The following STARD13 variants were observed in gnomAD, a reference collection of about 807,000 sequenced individuals.
STARD13 encodes the protein StAR related lipid transfer domain containing 13.
STARD13 carries 62 observed loss-of-function variants against 106.4 expected under a neutral mutation model. The observed-to-expected ratio is 0.58, with a 90% CI of 0.48 to 0.72. The LOEUF (loss-of-function observed/expected upper bound fraction) is 0.72, where lower values mean the gene tolerates loss of function less well. Ranked by LOEUF, STARD13 falls within the 30% of genes least tolerant of loss-of-function variation. The pLI is 0.00. For synonymous variants in STARD13, 565 were observed against 553.0 expected (o/e 1.02, Z -0.31); for missense variants, 1,387 against 1,424.0 (o/e 0.97, Z 0.42).
the STARD13 span, among the ~76,000 whole-genome samples, chr13:33,469,463 A>C: frequency 6.6e-6 from 1 of 152,188 alleles, no homozygotes; most frequent in African/African-American, 2.4e-5. Context: ...AGTTTACATG[A>C]TATCCCCCTC....
chr13:33,642,819 T>C, the STARD13 span, among the ~76,000 whole-genome samples: 1 of 144,664 alleles, frequency 6.9e-6, no homozygotes, highest in Non-Finnish European at 1.5e-5. Context: ...AGAGGAATGC[T>C]GGGAACAAAC....
At chr13:33,222,046 G>A (rs1288667043) in intron 1 of STARD13, among the ~76,000 whole-genome samples, 2 of 152,106 alleles carry the variant, frequency 1.3e-5, no homozygotes, top group African/African-American at 4.8e-5. Context: ...CTACTCAGGA[G>A]GCTGAGACAG....
chr13:33,157,760 G>A (rs1882158452), intron 3 of STARD13, among the ~76,000 whole-genome samples: 1 of 152,134 alleles, frequency 6.6e-6, no homozygotes, highest in Admixed American at 6.5e-5. Flanking sequence ...AAACCAAAAT[G>A]CAAATTTAAC....
At chr13:33,228,819 TAAG>T (rs928294502) in intron 1 of STARD13, among the ~76,000 whole-genome samples, 1 of 152,004 alleles carries the variant, frequency 6.6e-6, no homozygotes, top group African/African-American at 2.4e-5. Context: ...TTAAAACAAA[TAAG>T]AAATATTGAT....
chr13:33,624,494 C>T, the STARD13 span, among the ~76,000 whole-genome samples: 1 of 152,212 alleles, frequency 6.6e-6, no homozygotes, highest in Non-Finnish European at 1.5e-5. Context: ...GTTTACTTCC[C>T]CATCTCCTTA....
Position 33,118,390 on chromosome 13 carries a change from T to C in STARD13, c.2083-127A>G. The C allele has an allele frequency of 6.7e-6, 5 of 746,644 alleles. No homozygotes were observed. The South Asian group carries it at 8.0e-5, about 12-fold the overall frequency. 46.3% of individuals were successfully genotyped at this position (746,644 alleles called of 1,614,324 possible). A position where few individuals can be genotyped will look rare whatever the true frequency, so the allele number is the denominator to read the frequency against. ...ATTAGTACATGCTGAACTACTAGTATAGCTACTTTAGGCAGTACCCGAACA... is the reference window on the plus strand; with the variant it reads ...ATTAGTACATGCTGAACTACTAGTACAGCTACTTTAGGCAGTACCCGAACA... On this transcript the variant is annotated intron_variant, in intron 7 of 13. Coordinates refer to ENST00000336934, the MANE Select transcript of STARD13 (RefSeq NM_178006.4).
At chr13:33,523,087 G>A in the STARD13 span, among the ~76,000 whole-genome samples, 1 of 152,162 alleles carries the variant, frequency 6.6e-6, no homozygotes, top group African/African-American at 2.4e-5. Flanking sequence ...GTTCTGTGGG[G>A]CACAGTTTCT....
the STARD13 span, among the ~76,000 whole-genome samples, chr13:33,610,582 T>C: frequency 6.6e-6 from 1 of 152,204 alleles, no homozygotes; most frequent in Admixed American, 6.5e-5. Flanking sequence ...TCACCAGCAG[T>C]GGGCCAGGCC....
At chr13:33,230,611 G>A (rs1329025404) in intron 1 of STARD13, among the ~76,000 whole-genome samples, 1 of 152,174 alleles carries the variant, frequency 6.6e-6, no homozygotes, top group African/African-American at 2.4e-5. Context: ...GCTGCTTTCT[G>A]ATGCACAAGA....
the STARD13 span, among the ~76,000 whole-genome samples, chr13:33,601,312 C>A: frequency 6.6e-6 from 1 of 151,636 alleles, no homozygotes; most frequent in Non-Finnish European, 1.5e-5. Context: ...TGTTTTAATG[C>A]AATCACTTTC....
chr13:33,295,487 A>G (rs1406009332), intron 1 of STARD13, among the ~76,000 whole-genome samples: 1 of 152,236 alleles, frequency 6.6e-6, no homozygotes, highest in Non-Finnish European at 1.5e-5. Flanking sequence ...AACAGAGACA[A>G]AGTCCCTAAC....
chr13:33,349,930 T>C (rs2078056158), intron 1 of STARD13, among the ~76,000 whole-genome samples: 1 of 152,214 alleles, frequency 6.6e-6, no homozygotes, highest in Admixed American at 6.5e-5. Context: ...CCACTTGGTC[T>C]GGGCACTTAT....
chr13:33,395,565 G>A, the STARD13 span, among the ~76,000 whole-genome samples: 13 of 152,124 alleles, frequency 8.5e-5, no homozygotes, highest in Admixed American at 2.6e-4. Flanking sequence ...CTATGCTGGC[G>A]TTTGGTTGAT....
the STARD13 span, among the ~76,000 whole-genome samples, chr13:33,668,570 A>T: frequency 6.6e-6 from 1 of 152,240 alleles, no homozygotes; most frequent in African/African-American, 2.4e-5. Context: ...CTGTGCTCCC[A>T]TGTGCCCAAG....
the STARD13 span, among the ~76,000 whole-genome samples, chr13:33,570,858 T>A: frequency 1.3e-5 from 2 of 152,122 alleles, no homozygotes; most frequent in African/African-American, 4.8e-5. Context: ...GAAACAAATA[T>A]TGTGTTGGAT....
chr13:33,337,102 A>G (rs1274028567), intron 1 of STARD13, among the ~76,000 whole-genome samples: 1 of 152,226 alleles, frequency 6.6e-6, no homozygotes, highest in African/African-American at 2.4e-5. Flanking sequence ...CAATTTTATA[A>G]GACTAGACTC....
At chr13:33,112,984 G>T in intron 8 of STARD13, 53 bp from the exon 9 acceptor site, 2 of 1,416,552 alleles carry the variant, frequency 1.4e-6, no homozygotes, top group Non-Finnish European at 1.9e-6. Flanking sequence ...GAAAGAGCCA[G>T]CTGGGAAGCA....
At chr13:33,349,024 G>T (rs955046275) in exon 2 of STARD13, 12 of 665,570 alleles carry the variant, frequency 1.8e-5, no homozygotes, top group Non-Finnish European at 3.3e-5. Context: ...GTGGGTGCAT[G>T]GGTTTAAGGG....
chr13:33,343,876 A>G (rs561328534), downstream of STARD13, among the ~76,000 whole-genome samples: 6 of 151,312 alleles, frequency 4.0e-5, no homozygotes, highest in Non-Finnish European at 7.4e-5. Context: ...TTATAACCTG[A>G]CCCTCTGTCT....
Sources: gnomAD v4.1 joint callset for allele counts (sites outside exome capture counted in the v4.1 genomes callset) on GRCh38, gnomAD v4.1.1 for gene constraint, MANE v1.5 for transcripts, NCBI Gene and HGNC (gene_info 2026-07-23, HGNC 2026-07-21) for gene names.